GALNT13: variants seen among roughly 807,000 people sequenced by gnomAD.
GALNT13 encodes the protein polypeptide N-acetylgalactosaminyltransferase 13, also known as UDP-GalNAc:polypeptide N-acetylgalactosaminyltransferase 13.
In GALNT13, 28 loss-of-function variants were observed where a neutral mutation model predicts 64.2. That is an observed-to-expected ratio of 0.44 (90% CI 0.32 to 0.60). The LOEUF (loss-of-function observed/expected upper bound fraction) is 0.60. GALNT13 is among the 20% of genes least tolerant of loss of function. The probability of loss-of-function intolerance (pLI) is 0.05; values close to 1 mark genes in which losing one functional copy is unlikely to be tolerated. For synonymous variants in GALNT13, 214 were observed against 224.6 expected (o/e 0.95, Z 0.42); for missense variants, 577 against 669.8 (o/e 0.86, Z 1.53).
chr2:154,428,960 G>C (rs545608488), intron 11 of GALNT13, among the ~76,000 whole-genome samples: 1 of 151,974 alleles, frequency 6.6e-6, no homozygotes, highest in Non-Finnish European at 1.5e-5. Context: ...GCTGCAAACT[G>C]TACCTATATA....
chr2:153,109,615 C>T, the GALNT13 span, among the ~76,000 whole-genome samples: 5,682 of 152,204 alleles, frequency 0.037, 155 homozygotes, highest in Middle Eastern at 0.088. Flanking sequence ...TTGTAACATA[C>T]CTGCATGACT....
At chr2:154,101,357 C>T (rs975834556) in intron 3 of GALNT13, among the ~76,000 whole-genome samples, 1 of 151,750 alleles carries the variant, frequency 6.6e-6, no homozygotes, top group Admixed American at 6.6e-5. Flanking sequence ...TTTAAGGTTT[C>T]TATTCCTTCT....
At chr2:153,926,032 C>A (rs1465023040) in intron 2 of GALNT13, among the ~76,000 whole-genome samples, 1 of 151,908 alleles carries the variant, frequency 6.6e-6, no homozygotes, top group Non-Finnish European at 1.5e-5. Context: ...TCTTCCCATT[C>A]TAATACCCTT....
intron 11 of GALNT13, among the ~76,000 whole-genome samples, chr2:154,423,990 C>T (rs578062153): frequency 6.6e-6 from 1 of 152,240 alleles, no homozygotes; most frequent in South Asian, 2.1e-4. Flanking sequence ...ATGAGATAAA[C>T]ATTAGAAAAA....
At chr2:153,486,716 T>C in the GALNT13 span, among the ~76,000 whole-genome samples, 1 of 152,224 alleles carries the variant, frequency 6.6e-6, no homozygotes, top group Admixed American at 6.5e-5. Flanking sequence ...GTTTTCCGAA[T>C]GATACATCAT....
chr2:154,316,096 TA>T (rs74347453), intron 9 of GALNT13, among the ~76,000 whole-genome samples: 14 of 151,688 alleles, frequency 9.2e-5, no homozygotes, highest in Admixed American at 7.9e-4. Context: ...TCAAAAAAAT[TA>T]AAAAAAAATT....
At chr2:153,566,435 A>G in the GALNT13 span, among the ~76,000 whole-genome samples, 1 of 141,484 alleles carries the variant, frequency 7.1e-6, no homozygotes, top group Non-Finnish European at 1.5e-5. Context: ...GCTCACTGCA[A>G]GCTCTGCCTC....
At chr2:153,750,444 C>A in the GALNT13 span, among the ~76,000 whole-genome samples, 1 of 151,904 alleles carries the variant, frequency 6.6e-6, no homozygotes, top group South Asian at 2.1e-4. Context: ...AGCATTGAAA[C>A]TAAGTCCTGG....
chr2:153,448,289 G>T, the GALNT13 span, among the ~76,000 whole-genome samples: 1 of 152,136 alleles, frequency 6.6e-6, no homozygotes, highest in Non-Finnish European at 1.5e-5. Context: ...TGGAATGGAG[G>T]ATTAATAAGG....
the GALNT13 span, among the ~76,000 whole-genome samples, chr2:153,795,995 G>T: frequency 6.6e-6 from 1 of 152,182 alleles, no homozygotes; most frequent in Non-Finnish European, 1.5e-5. Context: ...AATTGTGCCA[G>T]AATGCAAGTC....
chr2:154,230,332 T>C (rs1211318824), intron 4 of GALNT13, among the ~76,000 whole-genome samples: 1 of 152,150 alleles, frequency 6.6e-6, no homozygotes, highest in Non-Finnish European at 1.5e-5. Context: ...AATAAACTTA[T>C]TTATTCCAGG....
chr2:153,845,523 A>T, the GALNT13 span, among the ~76,000 whole-genome samples: 4 of 152,200 alleles, frequency 2.6e-5, no homozygotes, highest in African/African-American at 9.6e-5. Context: ...TTCATGAGGG[A>T]TCTGTCCCCA....
the GALNT13 span, among the ~76,000 whole-genome samples, chr2:153,519,000 C>A: frequency 6.6e-6 from 1 of 152,108 alleles, no homozygotes; most frequent in African/African-American, 2.4e-5. Flanking sequence ...TTACTATATT[C>A]TTTAAATTTC....
the GALNT13 span, among the ~76,000 whole-genome samples, chr2:153,534,910 A>AG: frequency 3.3e-5 from 5 of 152,038 alleles, no homozygotes; most frequent in African/African-American, 7.3e-5. Flanking sequence ...TGCAAGTCAC[A>AG]GGGGATGCGA....
chr2:153,221,205 C>T, the GALNT13 span, among the ~76,000 whole-genome samples: 1 of 152,064 alleles, frequency 6.6e-6, no homozygotes, highest in East Asian at 1.9e-4. Context: ...TGCTTGAACC[C>T]GGGAGGCGGA....
chr2:153,275,447 T>A, the GALNT13 span, among the ~76,000 whole-genome samples: 8 of 152,132 alleles, frequency 5.3e-5, no homozygotes, highest in Non-Finnish European at 1.2e-4. Context: ...AGGAAGTCCA[T>A]CCCTTTTTGC....
At chr2:153,720,214 A>G in the GALNT13 span, among the ~76,000 whole-genome samples, 1 of 145,786 alleles carries the variant, frequency 6.9e-6, no homozygotes, top group East Asian at 2.0e-4. Flanking sequence ...GACACCTCAC[A>G]CGGCAGGGTA....
At chr2:153,510,562 A>T in the GALNT13 span, among the ~76,000 whole-genome samples, 30 of 152,306 alleles carry the variant, frequency 2.0e-4, no homozygotes, top group South Asian at 5.0e-3. Flanking sequence ...GTTGCCAGGA[A>T]TTATCAGCCT....
chr2:153,963,757 G>C (rs1574219028), intron 3 of GALNT13, among the ~76,000 whole-genome samples: 1 of 150,524 alleles, frequency 6.6e-6, no homozygotes, highest in South Asian at 2.1e-4. Context: ...GTGTGTGTGT[G>C]TGTGTGTGTG....
Sources: gnomAD v4.1 joint callset for allele counts (sites outside exome capture counted in the v4.1 genomes callset) on GRCh38, gnomAD v4.1.1 for gene constraint, MANE v1.5 for transcripts, NCBI Gene and HGNC (gene_info 2026-07-23, HGNC 2026-07-21) for gene names.